Variants in ASIC2 observed in about 807,000 individuals in gnomAD.
ASIC2 encodes acid sensing ion channel subunit 2, also known as acid-sensing ion channel 2.
Under a neutral mutation model 57.3 loss-of-function variants are expected in ASIC2, and 25 were observed. The ratio of observed to expected loss-of-function variants is 0.44; its 90% CI spans 0.32 to 0.61. The LOEUF is 0.61. Ranked by LOEUF, ASIC2 falls within the 20% of genes least tolerant of loss-of-function variation. ASIC2 has a pLI of 0.06. For missense variants in ASIC2, 641 were observed against 738.1 expected (o/e 0.87, Z 1.52); for synonymous variants, 319 against 307.5 (o/e 1.04, Z -0.39).
chr17:33,654,696 A>G (rs1907025041), intron 1 of ASIC2, among the ~76,000 whole-genome samples: 1 of 152,222 alleles, frequency 6.6e-6, no homozygotes, highest in African/African-American at 2.4e-5. Context: ...TCAGACTAAA[A>G]CTACTCCCAA....
chr17:33,942,449 A>G (rs1202308282), intron 1 of ASIC2, among the ~76,000 whole-genome samples: 1 of 152,188 alleles, frequency 6.6e-6, no homozygotes, highest in African/African-American at 2.4e-5. Flanking sequence ...TCAAGTTCAC[A>G]CAACAGCCAA....
chr17:33,998,885 G>T (rs985049554), intron 1 of ASIC2, among the ~76,000 whole-genome samples: 30 of 152,048 alleles, frequency 2.0e-4, no homozygotes, highest in African/African-American at 6.8e-4. Flanking sequence ...GGTCCATTTG[G>T]TCTATAGTGT....
intron 1 of ASIC2, among the ~76,000 whole-genome samples, chr17:33,805,035 A>G (rs1461676978): frequency 3.3e-5 from 5 of 152,146 alleles, no homozygotes; most frequent in African/African-American, 7.2e-5. Flanking sequence ...CAGACGCCCC[A>G]TAAAAAGCAG....
At chr17:34,051,005 GCT>G (rs1415180379) in intron 1 of ASIC2, among the ~76,000 whole-genome samples, 1 of 152,138 alleles carries the variant, frequency 6.6e-6, no homozygotes, top group Non-Finnish European at 1.5e-5. Flanking sequence ...AATCAAACCT[GCT>G]CTCTCTGCTG....
At chr17:33,200,868 G>A (rs1196672593) in intron 1 of ASIC2, among the ~76,000 whole-genome samples, 1 of 152,026 alleles carries the variant, frequency 6.6e-6, no homozygotes, top group African/African-American at 2.4e-5. Flanking sequence ...TGTGATAAGG[G>A]CCTACAGTCT....
At chr17:33,702,001 C>T (rs1908716071) in intron 1 of ASIC2, among the ~76,000 whole-genome samples, 1 of 152,164 alleles carries the variant, frequency 6.6e-6, no homozygotes. Context: ...TCGGCTGTGC[C>T]AGCTGGGTGG....
intron 1 of ASIC2, among the ~76,000 whole-genome samples, chr17:33,162,248 G>C (rs1197722577): frequency 2.0e-5 from 3 of 152,116 alleles, no homozygotes; most frequent in Non-Finnish European, 4.4e-5. Context: ...ATGAGCTCCT[G>C]ATTAGGCACA....
chr17:33,803,523 G>A (rs1429532926), intron 1 of ASIC2, among the ~76,000 whole-genome samples: 1 of 150,278 alleles, frequency 6.7e-6, no homozygotes, highest in African/African-American at 2.4e-5. Flanking sequence ...TTTACTCCTA[G>A]AAGAAGAAAT....
At chr17:34,038,608 T>G in intron 1 of ASIC2, 1 of 1,601,012 alleles carries the variant, frequency 6.2e-7, no homozygotes, top group Non-Finnish European at 8.5e-7. Context: ...CTTCATTATG[T>G]ATCCTTTTTA....
intron 1 of ASIC2, chr17:34,155,712 C>A: frequency 2.2e-6 from 1 of 457,786 alleles, no homozygotes; most frequent in Non-Finnish European, 3.9e-6. Context: ...AGGAAGCCAA[C>A]TGAGCACGTC....
At chr17:34,051,817 GAA>G (rs1491532647) in intron 1 of ASIC2, 1 of 121,912 alleles carries the variant, frequency 8.2e-6, no homozygotes, top group Admixed American at 8.0e-5. Context: ...AGAATTTTCT[GAA>G]CACACACACA....
rs1296713577 is a variant in ASIC2 at position 33,738,345 on chromosome 17, C to G, written c.555+417633G>C. Among the ~76,000 whole-genome samples, 3 of 152,212 alleles carry G rather than the reference C, an allele frequency of 2.0e-5. No individual in the cohort carries two copies. In the South Asian group the frequency reaches 6.2e-4, roughly 32 times the overall value. ...TACATGGTGCTTGTCATCCTTCCCCCAGACCTTCAGGATCCCCTTTTATTT... is the reference window on the plus strand; with the variant it reads ...TACATGGTGCTTGTCATCCTTCCCCGAGACCTTCAGGATCCCCTTTTATTT... On this transcript the variant is annotated intron_variant, in intron 1 of 9. Coordinates refer to the ASIC2 transcript ENST00000359872.
chr17:33,494,502 T>C (rs1415966560), intron 1 of ASIC2, among the ~76,000 whole-genome samples: 1 of 152,114 alleles, frequency 6.6e-6, no homozygotes, highest in Non-Finnish European at 1.5e-5. Flanking sequence ...AGTATTGAGA[T>C]AGGTCAATGG....
chr17:33,147,758 G>A (rs936285845), intron 1 of ASIC2, among the ~76,000 whole-genome samples: 1 of 152,170 alleles, frequency 6.6e-6, no homozygotes, highest in Non-Finnish European at 1.5e-5. Context: ...GGGAAGCAAG[G>A]AGACTAACAT....
intron 1 of ASIC2, among the ~76,000 whole-genome samples, chr17:33,707,891 T>G (rs544740014): frequency 9.8e-5 from 15 of 152,346 alleles, no homozygotes; most frequent in Non-Finnish European, 1.5e-4. Flanking sequence ...AAGACTCTTC[T>G]CTCTGTTGGG....
At chr17:33,739,166 T>A (rs192096737) in intron 1 of ASIC2, among the ~76,000 whole-genome samples, 2 of 152,222 alleles carry the variant, frequency 1.3e-5, no homozygotes, top group Non-Finnish European at 2.9e-5. Context: ...GTTAGACAAA[T>A]GTCAAAGTTT....
intron 1 of ASIC2, among the ~76,000 whole-genome samples, chr17:33,349,787 A>C (rs1016553763): frequency 2.6e-5 from 4 of 152,194 alleles, no homozygotes; most frequent in African/African-American, 9.7e-5. Flanking sequence ...ATCACACATA[A>C]AATATTTTGA....
intron 1 of ASIC2, among the ~76,000 whole-genome samples, chr17:33,191,610 G>A (rs1906422153): frequency 6.6e-6 from 1 of 151,854 alleles, no homozygotes; most frequent in African/African-American, 2.4e-5. Flanking sequence ...ACAAGAGGGA[G>A]GAGAATGAGG....
intron 1 of ASIC2, among the ~76,000 whole-genome samples, chr17:33,947,725 G>A (rs867702987): frequency 6.6e-6 from 1 of 152,156 alleles, no homozygotes. Flanking sequence ...ATGTCTGGAG[G>A]GCCTAAAGCA....
Sources: gnomAD v4.1 joint callset for allele counts (sites outside exome capture counted in the v4.1 genomes callset) on GRCh38, gnomAD v4.1.1 for gene constraint, MANE v1.5 for transcripts, NCBI Gene and HGNC (gene_info 2026-07-23, HGNC 2026-07-21) for gene names.